Variants in RB1CC1 observed in about 807,000 individuals in gnomAD.
The protein encoded by RB1CC1 is RB1-inducible coiled-coil protein 1.
Under a neutral mutation model 177.5 loss-of-function variants are expected in RB1CC1, and 46 were observed. That is an observed-to-expected ratio of 0.26 (90% CI 0.20 to 0.33). RB1CC1 has a LOEUF of 0.33. RB1CC1 is among the 10% of genes least tolerant of loss of function. RB1CC1 has a pLI of 1.00. For missense variants in RB1CC1, 1,703 were observed against 1,816.3 expected, an observed-to-expected ratio of 0.94 and a Z score of 1.13; for synonymous variants, 666 against 613.6, an observed-to-expected ratio of 1.09 and a Z score of -1.26.
chr8:52,694,050 G>A (rs1855146086), intron 1 of RB1CC1, among the ~76,000 whole-genome samples: 1 of 152,170 alleles, frequency 6.6e-6, no homozygotes, highest in East Asian at 1.9e-4. Context: ...ACACTTCACA[G>A]CTAAAGAAAC....
chr8:52,660,905 A>C, intron 11 of RB1CC1, 21 bp downstream of exon 11: 2 of 1,578,330 alleles, frequency 1.3e-6, no homozygotes, highest in Non-Finnish European at 1.7e-6. Context: ...AAAGTAATTA[A>C]AATTATTAAT....
chr8:52,645,820 T>C lies in RB1CC1; in HGVS notation c.3869A>G (p.Glu1290Gly). The C allele has an allele frequency of 6.2e-7, 1 of 1,610,742 alleles. No individual in the cohort carries two copies. The highest frequency in any genetic ancestry group is 1.1e-5 in the South Asian group (1 of 90,072). Residue 1290 changes from glutamate (E) to glycine (G), a missense_variant, in exon 16 of 24, where the codon GAA (glutamate) becomes GGA (glycine). Transcript: ENST00000025008. ...TTCTTCCTGAAGCTTTTCTTGAAGT[T>C]CAGCAACTAAGCTTGAAGAATCTCC... ...TRGDSSSLVA[E>G]LQEKLQEEKA...
chr8:52,628,918 C>CA (rs1433553873), intron 21 of RB1CC1, among the ~76,000 whole-genome samples: 12 of 152,130 alleles, frequency 7.9e-5, no homozygotes, highest in African/African-American at 2.9e-4. Context: ...TATTAAGTTA[C>CA]CCTACAAATA....
chr8:52,657,627 A>G lies in RB1CC1; in HGVS notation c.2202T>C (p.Ser734=). The G allele has an allele frequency of 2.5e-6, 4 of 1,614,162 alleles. No homozygotes were observed. Among genetic ancestry groups the G allele is most frequent in the Non-Finnish European group, 3.4e-6 (4 of 1,180,016 alleles). ...CTTCTATTACAAACTCATTCACAGC[A>G]GACATAAAATCTGATTCAGGACTTT... ...LAESPESDFM[S]AVNEFVIEEN... Residue 734 remains serine, a synonymous_variant, in exon 15 of 24, where the codon TCT becomes TCC. Coordinates refer to ENST00000025008, the MANE Select transcript of RB1CC1 (RefSeq NM_014781.5).
At chr8:52,710,669 T>C (rs957338936) in intron 1 of RB1CC1, among the ~76,000 whole-genome samples, 14 of 152,156 alleles carry the variant, frequency 9.2e-5, no homozygotes, top group Admixed American at 2.6e-4. Context: ...TTTCTAGTTG[T>C]GTTTTATTTT....
At chr8:52,673,707 C>T in intron 7 of RB1CC1, 138 bp downstream of exon 7, 1 of 748,096 alleles carries the variant, frequency 1.3e-6, no homozygotes, top group Non-Finnish European at 2.0e-6. Flanking sequence ...TTGATTCAAC[C>T]TATGTTAAAA....
chr8:52,648,125 C>A (rs954900485), intron 15 of RB1CC1, among the ~76,000 whole-genome samples: 8 of 152,110 alleles, frequency 5.3e-5, no homozygotes, highest in African/African-American at 1.9e-4. Flanking sequence ...ACACCCCTGA[C>A]ACTCTCTGTA....
Position 52,698,064 on chromosome 8 carries a change from T to A in RB1CC1, c.-166-11097A>T, listed in dbSNP as rs558588606. Among the ~76,000 whole-genome samples, 8 of 152,272 alleles carry A rather than the reference T, an allele frequency of 5.3e-5. No homozygotes were observed. In the South Asian group the frequency reaches 8.3e-4, roughly 16 times the overall value. ...GATTTAAAATGTTACGGATAAAAAT[T>A]AAAAATTTGATTTATTTATACATTT... On this transcript the variant is annotated intron_variant, in intron 1 of 23. Transcript: ENST00000025008.
At chr8:52,636,223 A>T (rs1165118967) in intron 18 of RB1CC1, among the ~76,000 whole-genome samples, 154 bp from the exon 19 acceptor site, 1 of 152,218 alleles carries the variant, frequency 6.6e-6, no homozygotes, top group Non-Finnish European at 1.5e-5. Context: ...ATGTAATTTC[A>T]ATGTTGTATA....
In RB1CC1 at chr8:52,628,221, T is replaced by C. The variant is rs186704677; in HGVS notation, c.4500-53A>G. ...CTTAGAGTTACTTTCAATCCCCCTATTCTGAAAACTTAGCATATATACTTA... is the reference window on the plus strand; with the variant it reads ...CTTAGAGTTACTTTCAATCCCCCTACTCTGAAAACTTAGCATATATACTTA... On this transcript the variant is annotated intron_variant, in intron 21 of 23. Coordinates refer to ENST00000025008, the MANE Select transcript of RB1CC1 (RefSeq NM_014781.5). 251 of 1,527,196 alleles carry C rather than the reference T, an allele frequency of 1.6e-4. No individual in the cohort carries two copies. In the African/African-American group the frequency reaches 3.1e-3, roughly 19 times the overall value. 94.6% of individuals were successfully genotyped at this position (1,527,196 alleles called of 1,614,324 possible). A position where few individuals can be genotyped will look rare whatever the true frequency, so the allele number is the denominator to read the frequency against.
intron 1 of RB1CC1, among the ~76,000 whole-genome samples, chr8:52,712,345 A>G (rs935754221): frequency 6.6e-6 from 1 of 152,204 alleles, no homozygotes; most frequent in African/African-American, 2.4e-5. Flanking sequence ...TTAAGTTAAT[A>G]TTAGAGTCTA....
Position 52,656,436 on chromosome 8 carries a change from A to T in RB1CC1, c.3393T>A (p.Ile1131=), listed in dbSNP as rs895573609. The stretch of plus-strand genomic sequence containing the variant: ...ACTCGGAAATACACTGATCTTTTTC[A>T]ATTGTCATTAAAGTTCTTAGCTCTG... ...GLAELRTLMT[I]EKDQCISELI... The change falls in exon 15 of 24, where the codon ATT becomes ATA. Residue 1131 remains isoleucine, a synonymous_variant. Coordinates refer to ENST00000025008, the MANE Select transcript of RB1CC1 (RefSeq NM_014781.5). 29 of 1,611,308 alleles carry T rather than the reference A, an allele frequency of 1.8e-5. No homozygotes were observed. Among genetic ancestry groups the T allele is most frequent in the Non-Finnish European group, 2.4e-5 (28 of 1,179,598 alleles).
At chr8:52,687,297 T>C (rs1286681210) in intron 1 of RB1CC1, among the ~76,000 whole-genome samples, 1 of 152,176 alleles carries the variant, frequency 6.6e-6, no homozygotes, top group Admixed American at 6.5e-5. Flanking sequence ...TATATGATCT[T>C]GGACAACTGT....
At chr8:52,708,252 C>T (rs1856756004) in intron 1 of RB1CC1, among the ~76,000 whole-genome samples, 3 of 152,340 alleles carry the variant, frequency 2.0e-5, no homozygotes, top group African/African-American at 4.8e-5. Context: ...CACACTGGCT[C>T]ACGCCTGTAA....
intron 1 of RB1CC1, among the ~76,000 whole-genome samples, chr8:52,711,709 T>TTA (rs1454795456): frequency 8.5e-5 from 13 of 152,204 alleles, no homozygotes; most frequent in African/African-American, 2.9e-4. Context: ...CCTTTGTGAG[T>TTA]TAGAGCACAT....
At position 52,642,331 on chromosome 8, in the gene RB1CC1, T is replaced by C. The variant is rs1231393978; in HGVS notation, c.4337+20A>G. The C allele has an allele frequency of 4.5e-5, 72 of 1,595,568 alleles. No homozygotes were observed. The highest frequency in any genetic ancestry group is 6.0e-5 in the Non-Finnish European group (70 of 1,167,706). On this transcript the variant is annotated intron_variant, in intron 18 of 23. Transcript: ENST00000025008. ...GGAATTGCAACAGCCTTAAAAACAGTTGAAAACAGCCATACTTACTGTACA... is the reference window on the plus strand; with the variant it reads ...GGAATTGCAACAGCCTTAAAAACAGCTGAAAACAGCCATACTTACTGTACA...
intron 15 of RB1CC1, among the ~76,000 whole-genome samples, chr8:52,653,594 C>T (rs1850817257): frequency 1.3e-5 from 2 of 152,082 alleles, no homozygotes; most frequent in African/African-American, 4.8e-5. Context: ...TGACTGTGGT[C>T]CACTAGGAGG....
intron 1 of RB1CC1, among the ~76,000 whole-genome samples, chr8:52,692,143 A>C (rs558704242): frequency 1.3e-5 from 2 of 152,316 alleles, no homozygotes; most frequent in Non-Finnish European, 2.9e-5. Flanking sequence ...CAGGTCAATA[A>C]ATTCATTCAT....
At chr8:52,667,368 T>C (rs745434676) in intron 8 of RB1CC1, among the ~76,000 whole-genome samples, 1 of 151,998 alleles carries the variant, frequency 6.6e-6, no homozygotes, top group Non-Finnish European at 1.5e-5. Context: ...AGAGGAAAAA[T>C]ATTGGCAAGG....
Sources: gnomAD v4.1 joint callset for allele counts (sites outside exome capture counted in the v4.1 genomes callset) on GRCh38, gnomAD v4.1.1 for gene constraint, MANE v1.5 for transcripts, NCBI Gene and HGNC (gene_info 2026-07-23, HGNC 2026-07-21) for gene names.